HYDIN: variants seen among roughly 807,000 people sequenced by gnomAD.
HYDIN encodes the protein HYDIN axonemal central pair apparatus protein.
HYDIN carries 132 observed loss-of-function variants against 403.9 expected under a neutral mutation model. The ratio of observed to expected loss-of-function variants is 0.33; its 90% CI spans 0.28 to 0.38. The LOEUF is 0.38. Ranked by LOEUF, HYDIN falls within the 10% of genes least tolerant of loss-of-function variation. The pLI, the probability that HYDIN is intolerant of heterozygous loss-of-function variation, is 1.00. For synonymous variants in HYDIN, 1,202 were observed against 1,891.7 expected, an observed-to-expected ratio of 0.64 and a Z score of 9.46; for missense variants, 2,827 against 5,009.5, an observed-to-expected ratio of 0.56 and a Z score of 13.15.
At chr16:70,853,224 T>C (rs2038784436) in intron 73 of HYDIN, among the ~76,000 whole-genome samples, 2 of 152,196 alleles carry the variant, frequency 1.3e-5, no homozygotes, top group East Asian at 1.9e-4. Context: ...ATTTTGGTGA[T>C]GTTGTGGAGA....
chr16:71,054,361 A>C (rs2081789849), intron 18 of HYDIN, among the ~76,000 whole-genome samples: 1 of 152,266 alleles, frequency 6.6e-6, no homozygotes. Context: ...TACTCATTGA[A>C]GCCTGAGAAA....
chr16:70,937,499 A>G (rs1214015818), intron 44 of HYDIN, among the ~76,000 whole-genome samples: 1 of 151,214 alleles, frequency 6.6e-6, no homozygotes, highest in Non-Finnish European at 1.5e-5. Flanking sequence ...CTAAAAATAC[A>G]AAAAAATTGG....
At chr16:70,871,014 G>A (rs752310357) in intron 65 of HYDIN, among the ~76,000 whole-genome samples, 1 of 152,176 alleles carries the variant, frequency 6.6e-6, no homozygotes, top group African/African-American at 2.4e-5. Flanking sequence ...CTGGGTGACC[G>A]AGTGAGACTA....
intron 7 of HYDIN, among the ~76,000 whole-genome samples, chr16:71,151,460 A>C (rs2144575367): frequency 6.6e-6 from 1 of 151,662 alleles, no homozygotes; most frequent in South Asian, 2.1e-4. Context: ...CTATCTACAC[A>C]CAGATCACCC....
intron 45 of HYDIN, 112 bp from the exon 46 acceptor site, chr16:70,921,329 G>A: frequency 9.1e-7 from 1 of 1,096,900 alleles, no homozygotes; most frequent in South Asian, 1.5e-5. Flanking sequence ...CCGAGGATCT[G>A]GGCACCTCCC....
intron 36 of HYDIN, among the ~76,000 whole-genome samples, chr16:70,965,597 A>G (rs1244537656): frequency 3.3e-5 from 5 of 152,342 alleles, no homozygotes; most frequent in Non-Finnish European, 7.3e-5. Flanking sequence ...ACACAGCAAA[A>G]TTAAGTTTTA....
chr16:71,037,868 A>G (rs1245852622), intron 18 of HYDIN, among the ~76,000 whole-genome samples: 1 of 152,202 alleles, frequency 6.6e-6, no homozygotes, highest in African/African-American at 2.4e-5. Context: ...CAGCCTGACT[A>G]TGGCTGGACC....
Position 70,943,910 on chromosome 16 carries a change from A to T in HYDIN, c.6571T>A (p.Trp2191Arg), listed in dbSNP as rs1435690771. 6.2e-7 allele frequency: 1 copy of T among 1,613,518 alleles called. No individual in the cohort carries two copies. Among genetic ancestry groups the T allele is most frequent in the Admixed American group, 1.7e-5 (1 of 59,986 alleles). ...CCGACACTGGGACTAACACTGAGCC[A>T]GCGGTGGATGGGCCCCGGGGGGAGA... The part of the protein sequence containing the change: ...SPLPPGPIHR[W>R]LSVSPSVGGE... The change falls in exon 42 of 86, where the codon TGG (tryptophan) becomes AGG (arginine). Residue 2191 changes from tryptophan (W) to arginine (R), a missense_variant. Coordinates refer to ENST00000393567, the MANE Select transcript of HYDIN (RefSeq NM_001270974.2).
intron 21 of HYDIN, among the ~76,000 whole-genome samples, chr16:71,021,960 C>T (rs1049901132): frequency 6.6e-6 from 1 of 151,912 alleles, no homozygotes; most frequent in African/African-American, 2.4e-5. Flanking sequence ...CTGTGCACTC[C>T]CAGGGTGACT....
At chr16:71,008,264 G>A (rs1290513679) in intron 23 of HYDIN, among the ~76,000 whole-genome samples, 1 of 151,884 alleles carries the variant, frequency 6.6e-6, no homozygotes, top group Admixed American at 6.6e-5. Flanking sequence ...TAACAAATCT[G>A]CACATGTATC....
chr16:71,219,333 T>A lies in HYDIN; in HGVS notation c.-24+11229A>T, dbSNP rs555772196. Among the ~76,000 whole-genome samples, 8 of 152,310 alleles carry A rather than the reference T, an allele frequency of 5.3e-5. No individual in the cohort carries two copies. The East Asian group carries it at 1.5e-3, about 29-fold the overall frequency. ...AAAAAAAAAATAAGGGGCAGATTTATGCATTGCCAGTGAAATTACAAGAGA... is the reference window on the plus strand; with the variant it reads ...AAAAAAAAAATAAGGGGCAGATTTAAGCATTGCCAGTGAAATTACAAGAGA... On this transcript the variant is annotated intron_variant, in intron 1 of 85. Transcript: ENST00000393567.
At chr16:70,995,585 G>A (rs575907230) in intron 23 of HYDIN, among the ~76,000 whole-genome samples, 1 of 152,196 alleles carries the variant, frequency 6.6e-6, no homozygotes, top group Admixed American at 6.5e-5. Flanking sequence ...TTCACTGGAA[G>A]CAGTGTGGCG....
chr16:70,848,261 A>G (rs983498238), intron 75 of HYDIN, among the ~76,000 whole-genome samples: 3 of 149,590 alleles, frequency 2.0e-5, no homozygotes, highest in African/African-American at 4.9e-5. Context: ...ATGGTGTCCT[A>G]TAGTTCTTTG....
intron 5 of HYDIN, among the ~76,000 whole-genome samples, chr16:71,163,502 T>A (rs1416513974): frequency 6.6e-6 from 1 of 152,184 alleles, no homozygotes; most frequent in Non-Finnish European, 1.5e-5. Context: ...GTAATGAGTC[T>A]CCACTCCACT....
chr16:70,833,825 G>T (rs2037178588), intron 79 of HYDIN, 62 bp downstream of exon 79: 1 of 1,155,428 alleles, frequency 8.7e-7, no homozygotes, highest in African/African-American at 1.5e-5. Context: ...AACAAGTCCA[G>T]GGCAGATACA....
At chr16:70,820,443 T>A (rs1213303446) in intron 83 of HYDIN, among the ~76,000 whole-genome samples, 2 of 151,902 alleles carry the variant, frequency 1.3e-5, no homozygotes, top group Non-Finnish European at 2.9e-5. Context: ...CCTCCCAAAG[T>A]ACTAGGATTA....
chr16:71,224,631 G>A (rs943029199), intron 1 of HYDIN, among the ~76,000 whole-genome samples: 6 of 142,568 alleles, frequency 4.2e-5, no homozygotes, highest in African/African-American at 1.3e-4. Context: ...GCGGGATCTC[G>A]GCTCACTGCA....
rs1474111289 is a variant in HYDIN at position 70,938,812 on chromosome 16, A to G, written c.6854-57T>C. 1.9e-6 allele frequency: 3 copies of G among 1,598,892 alleles called. No homozygotes were observed. The East Asian group carries it at 6.7e-5, about 36-fold the overall frequency. On this transcript the variant is annotated intron_variant, in intron 43 of 85. Coordinates refer to ENST00000393567, the MANE Select transcript of HYDIN (RefSeq NM_001270974.2). ...AAAAGTCCTTCTCAGTCTCGCTAGC[A>G]GCCTAAGCAGGCGGAGTAGGGTCTT...
At chr16:71,019,937 T>C (rs1239576945) in intron 22 of HYDIN, among the ~76,000 whole-genome samples, 1 of 152,284 alleles carries the variant, frequency 6.6e-6, no homozygotes, top group East Asian at 1.9e-4. Flanking sequence ...AGTAGTTAGG[T>C]CCAAATCCTG....
Sources: allele counts gnomAD v4.1 joint callset (sites outside exome capture counted in the v4.1 genomes callset), GRCh38; gene constraint gnomAD v4.1.1; transcripts MANE v1.5; gene names NCBI Gene and HGNC (gene_info 2026-07-23, HGNC 2026-07-21).